CFAP95: variants seen among roughly 807,000 people sequenced by gnomAD.
CFAP95 encodes cilia and flagella associated protein 95, also known as cilia- and flagella-associated protein 95.
chr9:69,886,560 T>C, the CFAP95 span, among the ~76,000 whole-genome samples: 1 of 152,138 alleles, frequency 6.6e-6, no homozygotes, highest in Admixed American at 6.6e-5. Context: ...TTGACAGCAA[T>C]TGGATTCAGT....
chr9:69,905,681 T>C, the CFAP95 span, among the ~76,000 whole-genome samples: 1 of 152,204 alleles, frequency 6.6e-6, no homozygotes, highest in East Asian at 1.9e-4. Context: ...CTTTATGCTG[T>C]GTATTTGTGG....
At chr9:69,855,549 T>C in the CFAP95 span, among the ~76,000 whole-genome samples, 1 of 152,142 alleles carries the variant, frequency 6.6e-6, no homozygotes, top group South Asian at 2.1e-4. Flanking sequence ...GCTAAGGGTA[T>C]ATGGATCAAA....
At chr9:69,853,988 C>G in the CFAP95 span, among the ~76,000 whole-genome samples, 1 of 152,174 alleles carries the variant, frequency 6.6e-6, no homozygotes, top group Non-Finnish European at 1.5e-5. Context: ...TGTCCAGAAC[C>G]AGTAACTGAT....
At chr9:69,837,720 A>T in the CFAP95 span, among the ~76,000 whole-genome samples, 3 of 152,122 alleles carry the variant, frequency 2.0e-5, no homozygotes, top group Admixed American at 2.0e-4. Context: ...TGCTGTGCAG[A>T]AGCTCTTTAG....
chr9:69,861,741 A>AC, the CFAP95 span, among the ~76,000 whole-genome samples: 8 of 150,804 alleles, frequency 5.3e-5, no homozygotes, highest in African/African-American at 1.5e-4. Flanking sequence ...AAAAAAAAAA[A>AC]AAAAAAAAAA....
chr9:69,821,192 AAAG>A, the CFAP95 span, among the ~76,000 whole-genome samples: 27 of 152,192 alleles, frequency 1.8e-4, no homozygotes, highest in Non-Finnish European at 3.7e-4. Flanking sequence ...AAATGTAGAG[AAAG>A]AAGGAAATGA....
the CFAP95 span, among the ~76,000 whole-genome samples, chr9:69,871,852 A>G: frequency 6.6e-6 from 1 of 152,166 alleles, no homozygotes; most frequent in South Asian, 2.1e-4. Context: ...TCCATTCTCC[A>G]ACCTGCAGCT....
At chr9:69,829,164 C>A in the CFAP95 span, among the ~76,000 whole-genome samples, 22 of 152,326 alleles carry the variant, frequency 1.4e-4, no homozygotes, top group Middle Eastern at 3.4e-3. Flanking sequence ...GTCCTACATT[C>A]TCATTCCTCA....
chr9:69,826,079 A>G, the CFAP95 span, among the ~76,000 whole-genome samples: 1 of 152,206 alleles, frequency 6.6e-6, no homozygotes, highest in Non-Finnish European at 1.5e-5. Flanking sequence ...GGGGTAGGGA[A>G]TTTTGTAGTT....
At chr9:69,890,947 C>T in the CFAP95 span, among the ~76,000 whole-genome samples, 1 of 152,132 alleles carries the variant, frequency 6.6e-6, no homozygotes. Flanking sequence ...AAATTGCAAC[C>T]CGTTTATTTT....
chr9:69,839,541 C>T, the CFAP95 span, among the ~76,000 whole-genome samples: 5 of 151,990 alleles, frequency 3.3e-5, no homozygotes, highest in African/African-American at 1.2e-4. Flanking sequence ...ATTCTCATGC[C>T]TCAGGCCTCT....
chr9:69,873,411 T>C, the CFAP95 span, among the ~76,000 whole-genome samples: 4 of 150,050 alleles, frequency 2.7e-5, no homozygotes, highest in East Asian at 7.7e-4. Flanking sequence ...TCAACCTAAG[T>C]TTTTTTGTTT....
the CFAP95 span, among the ~76,000 whole-genome samples, chr9:69,883,933 G>A: frequency 6.6e-6 from 1 of 151,824 alleles, no homozygotes; most frequent in African/African-American, 2.4e-5. Flanking sequence ...TTTGGATTCA[G>A]TTTGCTCTTG....
the CFAP95 span, among the ~76,000 whole-genome samples, chr9:69,829,845 A>C: frequency 6.6e-6 from 1 of 152,124 alleles, no homozygotes; most frequent in Non-Finnish European, 1.5e-5. Context: ...TGTTGAACAC[A>C]CTTCTCTGAG....
chr9:69,864,407 A>G, the CFAP95 span, among the ~76,000 whole-genome samples: 1 of 152,050 alleles, frequency 6.6e-6, no homozygotes, highest in Non-Finnish European at 1.5e-5. Context: ...CCTGGGTTCT[A>G]CTTCTAGGCC....
At chr9:69,843,535 TCC>T in the CFAP95 span, among the ~76,000 whole-genome samples, 9 of 24,322 alleles carry the variant, frequency 3.7e-4, 1 homozygote, top group Admixed American at 2.1e-3. Flanking sequence ...CTCCTCCTCC[TCC>T]TCCTCCTCCT....
chr9:69,831,826 G>A, the CFAP95 span, among the ~76,000 whole-genome samples: 3 of 152,088 alleles, frequency 2.0e-5, no homozygotes, highest in Non-Finnish European at 4.4e-5. Context: ...ATTTTTTGTT[G>A]CGTAATGACT....
the CFAP95 span, among the ~76,000 whole-genome samples, chr9:69,901,072 T>G: frequency 1.8e-4 from 28 of 151,868 alleles, no homozygotes; most frequent in Admixed American, 9.2e-4. Flanking sequence ...TGTGTCCAAG[T>G]GTTCTTATTG....
At chr9:69,880,570 C>A in the CFAP95 span, among the ~76,000 whole-genome samples, 5 of 152,252 alleles carry the variant, frequency 3.3e-5, no homozygotes, top group Admixed American at 1.3e-4. Flanking sequence ...TTGATGAATT[C>A]TTAGGTTACT....
Sources: gnomAD v4.1 joint callset for allele counts (sites outside exome capture counted in the v4.1 genomes callset) on GRCh38, gnomAD v4.1.1 for gene constraint, MANE v1.5 for transcripts, NCBI Gene and HGNC (gene_info 2026-07-23, HGNC 2026-07-21) for gene names.